The following CDH7 variants were observed in gnomAD, a reference collection of about 807,000 sequenced individuals.
CDH7 encodes cadherin-7.
A neutral mutation model predicts 71.8 loss-of-function variants in CDH7; 25 were observed. That is an observed-to-expected ratio of 0.35 (90% CI 0.25 to 0.49). The LOEUF is 0.49. CDH7 is among the 20% of genes least tolerant of loss of function. The pLI is 0.99. For synonymous variants in CDH7, 381 were observed against 363.8 expected (o/e 1.05, Z -0.54); for missense variants, 862 against 974.6 (o/e 0.88, Z 1.54).
At chr18:65,778,263 C>T (rs1910026921) in intron 2 of CDH7, among the ~76,000 whole-genome samples, 1 of 112,320 alleles carries the variant, frequency 8.9e-6, no homozygotes, top group Non-Finnish European at 1.7e-5. Context: ...CAGCATGAGA[C>T]TCTGTCTCAA....
intron 2 of CDH7, among the ~76,000 whole-genome samples, chr18:65,787,758 G>A (rs954316): frequency 0.33 from 50,683 of 151,996 alleles, 8,707 homozygotes; most frequent in Middle Eastern, 0.46. Flanking sequence ...CCTAGCAGAT[G>A]ATCTGATGTG....
intron 2 of CDH7, among the ~76,000 whole-genome samples, chr18:65,798,320 T>A (rs891869448): frequency 6.6e-6 from 1 of 152,020 alleles, no homozygotes; most frequent in East Asian, 1.9e-4. Flanking sequence ...TGACAGCCTT[T>A]GCTTCAGTGG....
chr18:65,841,920 A>G (rs568207474), intron 6 of CDH7, among the ~76,000 whole-genome samples: 1 of 152,258 alleles, frequency 6.6e-6, no homozygotes, highest in East Asian at 1.9e-4. Flanking sequence ...TCATAAAAAT[A>G]TTACTGAGTT....
At chr18:65,861,540 T>G (rs1913566660) in intron 10 of CDH7, among the ~76,000 whole-genome samples, 1 of 152,192 alleles carries the variant, frequency 6.6e-6, no homozygotes. Flanking sequence ...AGCTTAATTT[T>G]TTAGTGAGTA....
At chr18:65,782,037 CCT>C in intron 2 of CDH7, among the ~76,000 whole-genome samples, 1 of 43,588 alleles carries the variant, frequency 2.3e-5, no homozygotes, top group African/African-American at 2.5e-4. Flanking sequence ...TCCCTTCCTT[CCT>C]TCCTTCCTTC....
chr18:65,781,715 A>G (rs142829981), intron 2 of CDH7, among the ~76,000 whole-genome samples: 49 of 152,056 alleles, frequency 3.2e-4, no homozygotes, highest in African/African-American at 1.1e-3. Flanking sequence ...AACTACAAAT[A>G]GAGCAAACAA....
chr18:65,795,973 A>C (rs569482646), intron 2 of CDH7, among the ~76,000 whole-genome samples: 1 of 152,206 alleles, frequency 6.6e-6, no homozygotes, highest in Admixed American at 6.5e-5. Context: ...ACCTTCCACC[A>C]TGATCGTAAG....
At position 65,814,649 on chromosome 18, in the gene CDH7, G is replaced by T. The variant is rs776907114; in HGVS notation, c.625+45G>T. 6 of 1,557,960 alleles carry T rather than the reference G, an allele frequency of 3.9e-6. No homozygotes were observed. The South Asian group carries it at 7.1e-5, about 18-fold the overall frequency. On this transcript the variant is annotated intron_variant, in intron 4 of 11. Transcript: ENST00000397968. ...ATTCTTGTAAAGTCATCATTTGTTTGCTGCTTAGAATTAATATTATTTCTA... is the reference window on the plus strand; with the variant it reads ...ATTCTTGTAAAGTCATCATTTGTTTTCTGCTTAGAATTAATATTATTTCTA...
chr18:65,882,023 G>A lies in CDH7; in HGVS notation c.*1129G>A, dbSNP rs556002755. On this transcript the variant is annotated 3_prime_UTR_variant, in exon 12 of 12. Transcript: ENST00000397968. ...CAAGAATTATTTTTCAAGATCATGA[G>A]TTCTACATGCTCCAAAGACGATTTC... 9.6e-6 allele frequency: 1 copy of A among 104,310 alleles called. No homozygotes were observed. The highest frequency in any genetic ancestry group is 3.4e-5 in the African/African-American group (1 of 29,270). The allele number at this position is 104,310 out of a possible 1,614,324, so 6.5% of individuals were successfully genotyped here. A position where few individuals can be genotyped will look rare whatever the true frequency, so the allele number is the denominator to read the frequency against.
Position 65,829,232 on chromosome 18 carries a change from G to A in CDH7, c.981+4401G>A, listed in dbSNP as rs547299368. Reference sequence around the variant, plus strand: ...CCTCCCGGGTTCACGCCATTCTCCTGCCTCATCCTCCTGAGCAGCTGGGAC... The same window carrying A: ...CCTCCCGGGTTCACGCCATTCTCCTACCTCATCCTCCTGAGCAGCTGGGAC... On this transcript the variant is annotated intron_variant, in intron 6 of 11. Coordinates refer to ENST00000397968, the MANE Select transcript of CDH7 (RefSeq NM_004361.5). 3.9e-5 allele frequency among the ~76,000 whole-genome samples: 6 copies of A among 151,938 alleles called. No individual in the cohort carries two copies. The East Asian group carries it at 1.2e-3, about 30-fold the overall frequency.
chr18:65,864,972 G>C (rs972925397), intron 11 of CDH7, among the ~76,000 whole-genome samples: 5 of 151,394 alleles, frequency 3.3e-5, no homozygotes, highest in African/African-American at 1.2e-4. Context: ...GGAATAATGA[G>C]AGGATAAGTA....
intron 11 of CDH7, 170 bp downstream of exon 11, chr18:65,863,087 G>A (rs1913636767): frequency 2.9e-6 from 2 of 700,040 alleles, no homozygotes; most frequent in Non-Finnish European, 4.7e-6. Flanking sequence ...GCCCAGGCTG[G>A]AGTGCAGTAG....
chr18:65,873,011 C>T (rs936831970), intron 11 of CDH7, among the ~76,000 whole-genome samples: 10 of 150,182 alleles, frequency 6.7e-5, no homozygotes, highest in Middle Eastern at 3.4e-3. Context: ...TAATTAGTGC[C>T]CAGTAGAAAA....
intron 2 of CDH7, among the ~76,000 whole-genome samples, chr18:65,793,920 T>A (rs567477923): frequency 6.6e-6 from 1 of 152,232 alleles, no homozygotes; most frequent in Non-Finnish European, 1.5e-5. Flanking sequence ...ATATGAATAA[T>A]TTTGCTATAG....
chr18:65,782,862 C>T (rs1301450992), intron 2 of CDH7, among the ~76,000 whole-genome samples: 4 of 152,090 alleles, frequency 2.6e-5, no homozygotes. Flanking sequence ...CTTTTTGTGC[C>T]TAGGAACACT....
intron 7 of CDH7, among the ~76,000 whole-genome samples, chr18:65,846,087 A>G (rs866060700): frequency 6.6e-6 from 1 of 152,122 alleles, no homozygotes; most frequent in African/African-American, 2.4e-5. Context: ...ACTTTTTATA[A>G]TATTTTCATT....
At chr18:65,794,728 G>A (rs146875116) in intron 2 of CDH7, among the ~76,000 whole-genome samples, 80 of 152,214 alleles carry the variant, frequency 5.3e-4, no homozygotes, top group African/African-American at 1.9e-3. Context: ...ATGGGTGGGA[G>A]TGGAAATGGG....
At chr18:65,822,271 A>T (rs1371688496) in intron 5 of CDH7, 23 bp downstream of exon 5, 1 of 1,588,032 alleles carries the variant, frequency 6.3e-7, no homozygotes, top group Non-Finnish European at 8.6e-7. Flanking sequence ...CTTAAGTGAC[A>T]CAAGTGCAAT....
At chr18:65,831,157 T>C (rs1912335880) in intron 6 of CDH7, among the ~76,000 whole-genome samples, 1 of 152,176 alleles carries the variant, frequency 6.6e-6, no homozygotes, top group Non-Finnish European at 1.5e-5. Flanking sequence ...TACAATTTTG[T>C]CAAATTAATG....
Sources: gnomAD v4.1 joint callset for allele counts (sites outside exome capture counted in the v4.1 genomes callset) on GRCh38, gnomAD v4.1.1 for gene constraint, MANE v1.5 for transcripts, NCBI Gene and HGNC (gene_info 2026-07-23, HGNC 2026-07-21) for gene names.